The following PFKFB4 variants were observed in gnomAD, a reference collection of about 807,000 sequenced individuals.
PFKFB4 encodes the protein 6-phosphofructo-2-kinase/fructose-2,6-bisphosphatase 4.
A neutral mutation model predicts 62.8 loss-of-function variants in PFKFB4; 42 were observed. That is an observed-to-expected ratio of 0.67 (90% confidence interval 0.52 to 0.86). The LOEUF (loss-of-function observed/expected upper bound fraction) is 0.86. PFKFB4 is among the 40% of genes least tolerant of loss of function. The probability of loss-of-function intolerance (pLI) is 0.00; values close to 1 mark genes in which losing one functional copy is unlikely to be tolerated. For missense variants in PFKFB4, 475 were observed against 627.2 expected, an observed-to-expected ratio of 0.76 and a Z score of 2.59; for synonymous variants, 204 against 240.7, an observed-to-expected ratio of 0.85 and a Z score of 1.41.
rs747384908 is a variant in PFKFB4 at position 48,556,786 on chromosome 3, C to G, written c.-9G>C. On this transcript the variant is annotated 5_prime_UTR_variant, in exon 1 of 14. Transcript: ENST00000232375. This position sits in a 1 kb window ranked among gnomAD's most constrained non-coding sequence, Gnocchi z 5.7. ...TCCCGTGGGGACGCCATCCCGGGGC[C>G]GGGATGAGTCGGACTGCGCCGCTTC... 2.4e-5 allele frequency: 39 copies of G among 1,598,392 alleles called. No individual in the cohort carries two copies. Among genetic ancestry groups the G allele is most frequent in the Non-Finnish European group, 3.3e-5 (39 of 1,173,060 alleles).
chr3:48,519,725 T>C lies in PFKFB4; in HGVS notation c.*22A>G, dbSNP rs1384932413. The C allele has an allele frequency of 6.3e-7, 1 of 1,597,342 alleles. No homozygotes were observed. The highest frequency in any genetic ancestry group is 1.7e-5 in the Admixed American group (1 of 59,992). On this transcript the variant is annotated 3_prime_UTR_variant, in exon 14 of 14. Coordinates refer to ENST00000232375, the MANE Select transcript of PFKFB4 (RefSeq NM_004567.4). Reference sequence around the variant, plus strand: ...TCTGCAGAGAGCAGTGCCTGCCTAGTGGTCACAGTGGATGAACATGGTCAC... The same window carrying C: ...TCTGCAGAGAGCAGTGCCTGCCTAGCGGTCACAGTGGATGAACATGGTCAC...
rs7629120 is a variant in PFKFB4, at chr3:48,539,361, T to C, written c.454-51A>G. ...GTGGTGGGAGGGAGGAACACGGACA[T>C]GTTCAGGGCCTCCCGCCTTGCTCCT... is the stretch of plus-strand genomic sequence containing the variant. On this transcript the variant is annotated intron_variant, in intron 5 of 13. Coordinates refer to ENST00000232375, the MANE Select transcript of PFKFB4 (RefSeq NM_004567.4). 6.2e-3 allele frequency: 9,202 copies of C among 1,491,294 alleles called. 442 individuals carry two copies. In the African/African-American group the frequency reaches 0.11, roughly 18 times the overall value. The allele number at this position is 1,491,294 out of a possible 1,614,324, so 92.4% of individuals were successfully genotyped here.
Position 48,539,242 on chromosome 3 carries a change from TG to T in PFKFB4, c.510+11del. The T allele has an allele frequency of 6.2e-7, 1 of 1,606,436 alleles. No individual in the cohort carries two copies. Among genetic ancestry groups the T allele is most frequent in the Non-Finnish European group, 8.5e-7 (1 of 1,173,098 alleles). ...CACACGACCTTCTGACAAGGTCAGA[TG>T]CACTACTCACCACGATGTTGGCAGC... On this transcript the variant is annotated intron_variant, in intron 6 of 13. Coordinates refer to ENST00000232375, the MANE Select transcript of PFKFB4 (RefSeq NM_004567.4).
chr3:48,545,003 C>T (rs1409959882), intron 3 of PFKFB4, among the ~76,000 whole-genome samples: 5 of 152,132 alleles, frequency 3.3e-5, no homozygotes, highest in African/African-American at 4.8e-5. Context: ...GGATTACAGG[C>T]GCGAGCCACT....
intron 1 of PFKFB4, among the ~76,000 whole-genome samples, chr3:48,553,798 C>G (rs2043226845): frequency 6.6e-6 from 1 of 152,206 alleles, no homozygotes; most frequent in Non-Finnish European, 1.5e-5. Flanking sequence ...CATGGAGGCC[C>G]TTTTCAGAGG....
At chr3:48,550,548 G>A (rs993663188) in intron 1 of PFKFB4, among the ~76,000 whole-genome samples, 1 of 152,148 alleles carries the variant, frequency 6.6e-6, no homozygotes, top group Non-Finnish European at 1.5e-5. Flanking sequence ...ATGGCTAGGG[G>A]GGTCCCCACC....
At position 48,535,554 on chromosome 3, in the gene PFKFB4, A is replaced by G. The variant is rs749735657; in HGVS notation, c.945T>C (p.Gly315=). The G allele has an allele frequency of 1.2e-6, 2 of 1,613,938 alleles. No homozygotes were observed. Among genetic ancestry groups the G allele is most frequent in the African/African-American group, 1.3e-5 (1 of 74,902 alleles). Residue 315 remains glycine, a synonymous_variant, in exon 9 of 14, where the codon GGT becomes GGC. Transcript: ENST00000232375. ...GGACCTTCCACTGTTCATAGGGCAC[A>G]CCCAGTGCCTCAGCCGTCTGGATTG... ...KRTIQTAEAL[G]VPYEQWKVLN...
In PFKFB4 at chr3:48,522,061, G is replaced by T. The variant is rs370047356; in HGVS notation, c.1286-11C>A. ...ACTCCACTTTACAACCTGCCAAAGG[G>T]AAGATGCAAATCCATCCCCACTCCT... On this transcript the variant is annotated splice_polypyrimidine_tract_variant and intron_variant, in intron 12 of 13. Coordinates refer to ENST00000232375, the MANE Select transcript of PFKFB4 (RefSeq NM_004567.4). The T allele has an allele frequency of 2.5e-6, 4 of 1,613,622 alleles. No homozygotes were observed. Among genetic ancestry groups the T allele is most frequent in the East Asian group, 4.5e-5 (2 of 44,900 alleles).
At position 48,543,746 on chromosome 3, in the gene PFKFB4, C is replaced by T. The variant is rs1204050294; in HGVS notation, c.312-100G>A. ...GGAGGAGACATGACAGGAGAAGGAACAGCCCCGAGGTCTCTTGCTCTCTTT... is the reference window on the plus strand; with the variant it reads ...GGAGGAGACATGACAGGAGAAGGAATAGCCCCGAGGTCTCTTGCTCTCTTT... On this transcript the variant is annotated intron_variant, in intron 3 of 13. Transcript: ENST00000232375. 5 of 860,752 alleles carry T rather than the reference C, an allele frequency of 5.8e-6. No individual in the cohort carries two copies. The Admixed American group carries it at 8.0e-5, about 14-fold the overall frequency. The allele number at this position is 860,752 out of a possible 1,614,324, so 53.3% of individuals were successfully genotyped here.
rs570295921 is a variant in PFKFB4, at chr3:48,518,697, C to T, written c.*1050G>A. On this transcript the variant is annotated 3_prime_UTR_variant, in exon 14 of 14. Coordinates refer to ENST00000232375, the MANE Select transcript of PFKFB4 (RefSeq NM_004567.4). ...CCTATGGGTTCTGCCTTCTCCCTTC[C>T]TCAGACCCACAGGCAGAAGTCAACA... The T allele has an allele frequency of 6.6e-6, 1 of 152,406 alleles. No individual in the cohort carries two copies. The highest frequency in any genetic ancestry group is 2.1e-4 in the South Asian group (1 of 4,836). 9.4% of individuals were successfully genotyped at this position (152,406 alleles called of 1,614,324 possible).
chr3:48,523,948 G>A (rs2042177050), intron 10 of PFKFB4, 118 bp from the exon 11 acceptor site: 1 of 1,185,672 alleles, frequency 8.4e-7, no homozygotes, highest in Admixed American at 2.1e-5. Context: ...GGAAGCTGTG[G>A]CTGGGCCTCC....
chr3:48,525,460 T>C (rs1360334317), intron 10 of PFKFB4, 105 bp downstream of exon 10: 1 of 578,196 alleles, frequency 1.7e-6, no homozygotes, highest in African/African-American at 1.9e-5. Context: ...CCAGGCCCCT[T>C]CTGCTACCCA....
At chr3:48,556,964 C>T, upstream of PFKFB4, 2 of 1,392,852 alleles carry the variant, frequency 1.4e-6, no homozygotes, top group Non-Finnish European at 1.9e-6. The surrounding 1 kb of genome is among the most constrained non-coding windows in gnomAD (Gnocchi z 5.7). Context: ...CGGCCTCCGA[C>T]CACGCATGCC....
At position 48,555,476 on chromosome 3, in the gene PFKFB4, G is replaced by GC. The variant is rs530269901; in HGVS notation, c.97+1204dup. On this transcript the variant is annotated intron_variant, in intron 1 of 13. Transcript: ENST00000232375. ...GAGGCAGGATCACAGGGAGACCCAGGCATGTCACTCAATCTCCTGATCTCC... is the reference window on the plus strand; with the variant it reads ...GAGGCAGGATCACAGGGAGACCCAGGCCATGTCACTCAATCTCCTGATCTCC... Among the ~76,000 whole-genome samples, 190 of 152,304 alleles carry GC rather than the reference G, an allele frequency of 1.2e-3. 1 individual carries two copies. Among genetic ancestry groups the GC allele is most frequent in the African/African-American group, 4.5e-3 (185 of 41,566 alleles).
intron 9 of PFKFB4, among the ~76,000 whole-genome samples, chr3:48,527,684 CT>C (rs1180697646): frequency 0.017 from 2,110 of 121,204 alleles, 24 homozygotes; most frequent in African/African-American, 0.04. Context: ...CGTCCATCAT[CT>C]TTTTTTTTTT....
At chr3:48,557,328 A>G (rs148692582), upstream of PFKFB4, among the ~76,000 whole-genome samples, 1,247 of 152,284 alleles carry the variant, frequency 8.2e-3, 8 homozygotes, top group Non-Finnish European at 0.015. Context: ...AGGGGCCAGT[A>G]GGCCTGCAGT....
chr3:48,522,295 A>G (rs1317047149), intron 12 of PFKFB4, among the ~76,000 whole-genome samples: 2 of 152,122 alleles, frequency 1.3e-5, no homozygotes, highest in African/African-American at 4.8e-5. Context: ...AGGCTCCCCA[A>G]CCCCAGGACC....
upstream of PFKFB4, chr3:48,562,819 G>A (rs199600581): frequency 2.2e-5 from 34 of 1,570,432 alleles, no homozygotes; most frequent in East Asian, 1.6e-4. The surrounding 1 kb of genome is among the most constrained non-coding windows in gnomAD (Gnocchi z 4.3). Flanking sequence ...GGATGCGGGC[G>A]TTGGTGGTGG....
In PFKFB4 at chr3:48,536,251, C is replaced by T; in HGVS notation, c.840+5G>A. ...GTGTGCGCACGCAGGGACACATGCA[C>T]TGACCTCCCTGCCCCGAGGGGACAG... On this transcript the variant is annotated splice_donor_5th_base_variant and intron_variant, in intron 8 of 13. Coordinates refer to ENST00000232375, the MANE Select transcript of PFKFB4 (RefSeq NM_004567.4). 6.2e-7 allele frequency: 1 copy of T among 1,612,274 alleles called. No homozygotes were observed. Among genetic ancestry groups the T allele is most frequent in the Non-Finnish European group, 8.5e-7 (1 of 1,179,212 alleles).
Sources: allele counts gnomAD v4.1 joint callset (sites outside exome capture counted in the v4.1 genomes callset), GRCh38; gene constraint gnomAD v4.1.1; non-coding constraint Gnocchi (gnomAD v3.1); transcripts MANE v1.5; gene names NCBI Gene and HGNC (gene_info 2026-07-23, HGNC 2026-07-21).